Variants in DCAF13 observed in about 807,000 individuals in gnomAD.
DCAF13 encodes DDB1- and CUL4-associated factor 13.
DCAF13 carries 38 observed loss-of-function variants against 59.0 expected under a neutral mutation model. That is an observed-to-expected ratio of 0.64 (90% CI 0.50 to 0.84). The LOEUF (loss-of-function observed/expected upper bound fraction) is 0.84. Ranked by LOEUF, DCAF13 falls within the 40% of genes least tolerant of loss-of-function variation. The pLI is 0.00. For synonymous variants in DCAF13, 173 were observed against 175.0 expected (o/e 0.99, Z 0.09); for missense variants, 469 against 558.4 (o/e 0.84, Z 1.61).
rs1295249547 is a variant in DCAF13 at position 103,442,780 on chromosome 8, A to G, written c.1251-15A>G. 3 of 1,541,330 alleles carry G rather than the reference A, an allele frequency of 1.9e-6. No homozygotes were observed. Among genetic ancestry groups the G allele is most frequent in the African/African-American group, 2.8e-5 (2 of 71,824 alleles). On this transcript the variant is annotated splice_polypyrimidine_tract_variant and intron_variant, in intron 10 of 10. Coordinates refer to ENST00000612750, the MANE Select transcript of DCAF13 (RefSeq NM_015420.7). ...TTCCCATAACTTGCTTATATTTTGTATATTTTATTTCTAGGGAAGTGAATC... is the reference window on the plus strand; with the variant it reads ...TTCCCATAACTTGCTTATATTTTGTGTATTTTATTTCTAGGGAAGTGAATC...
chr8:103,417,546 G>A (rs565170419), intron 1 of DCAF13, among the ~76,000 whole-genome samples: 39 of 151,768 alleles, frequency 2.6e-4, no homozygotes, highest in African/African-American at 9.0e-4. Context: ...GGAGGCTGAG[G>A]CGGGAGAATG....
chr8:103,418,864 ATATTTTTTTTTTTTTTTTTTTTTTTT>A (rs1816679510), intron 1 of DCAF13, among the ~76,000 whole-genome samples: 4 of 27,952 alleles, frequency 1.4e-4, no homozygotes, highest in African/African-American at 6.5e-4. Context: ...ATATATATAT[ATATTTTTTTTTTTTTTTTTTTTTTTT>A]TTTTTTTTTT....
chr8:103,423,480 A>G (rs1816750054), intron 3 of DCAF13, among the ~76,000 whole-genome samples: 1 of 152,202 alleles, frequency 6.6e-6, no homozygotes, highest in South Asian at 2.1e-4. Flanking sequence ...GTTGTGTGGA[A>G]TCTAAAAAAG....
intron 3 of DCAF13, 108 bp downstream of exon 3, chr8:103,421,190 A>C: frequency 6.3e-6 from 5 of 795,358 alleles, no homozygotes; most frequent in South Asian, 1.5e-5. Flanking sequence ...GCCCTTTTGG[A>C]GTTTCACAAT....
At chr8:103,432,349 A>C (rs780530499) in intron 6 of DCAF13, among the ~76,000 whole-genome samples, 9 of 152,138 alleles carry the variant, frequency 5.9e-5, no homozygotes, top group Non-Finnish European at 1.2e-4. Flanking sequence ...GCTCACCATT[A>C]ATTTTGCCCC....
chr8:103,432,750 C>A lies in DCAF13; in HGVS notation c.785+9C>A. The A allele has an allele frequency of 1.3e-6, 2 of 1,557,094 alleles. No individual in the cohort carries two copies. The highest frequency in any genetic ancestry group is 1.1e-5 in the South Asian group (1 of 89,614). ...GCAAATGAAGATTATAAGTAAGTTT[C>A]CCTCTTTTAAAAACTTGTGTATTTC... On this transcript the variant is annotated intron_variant, in intron 7 of 10. Transcript: ENST00000612750.
At chr8:103,432,296 A>G (rs918425241) in intron 6 of DCAF13, among the ~76,000 whole-genome samples, 4 of 152,290 alleles carry the variant, frequency 2.6e-5, no homozygotes, top group Middle Eastern at 3.4e-3. Context: ...GGTCAGTTCA[A>G]ATCATACTTG....
chr8:103,415,569 A>G (rs1384807729), intron 1 of DCAF13, 53 bp downstream of exon 1: 2 of 1,529,900 alleles, frequency 1.3e-6, no homozygotes, highest in Non-Finnish European at 1.8e-6. Context: ...CGTTGGGTCT[A>G]GCCTCGGCTT....
At chr8:103,441,019 G>C (rs1244322686) in intron 9 of DCAF13, 1 of 156,932 alleles carries the variant, frequency 6.4e-6, no homozygotes, top group African/African-American at 2.4e-5. Flanking sequence ...CCTCTAAATC[G>C]TATCATCCTT....
chr8:103,428,338 A>G (rs1295974616), intron 5 of DCAF13: 1 of 152,194 alleles, frequency 6.6e-6, no homozygotes, highest in Admixed American at 6.5e-5. Context: ...CTGTTTTTGT[A>G]AATAGAGCTC....
chr8:103,423,360 G>A (rs746895157), intron 3 of DCAF13, among the ~76,000 whole-genome samples: 1 of 152,030 alleles, frequency 6.6e-6, no homozygotes, highest in Non-Finnish European at 1.5e-5. Flanking sequence ...ACGCACACAG[G>A]AATACTATTC....
chr8:103,435,592 AAT>A (rs1816921556), intron 7 of DCAF13, 32 bp from the exon 8 acceptor site: 5 of 1,482,924 alleles, frequency 3.4e-6, no homozygotes, highest in Non-Finnish European at 3.6e-6. Context: ...TCTTTCTAGA[AAT>A]ATGTGTCAAA....
chr8:103,435,898 G>C, intron 8 of DCAF13, 108 bp downstream of exon 8: 2 of 1,181,604 alleles, frequency 1.7e-6, no homozygotes, highest in Admixed American at 3.6e-5. Flanking sequence ...AACATCATCA[G>C]AGTGCACTTA....
intron 3 of DCAF13, among the ~76,000 whole-genome samples, chr8:103,421,662 G>T (rs901151937): frequency 6.6e-6 from 1 of 151,982 alleles, no homozygotes; most frequent in African/African-American, 2.4e-5. Context: ...GACTATTCTG[G>T]GTACCTCATA....
intron 1 of DCAF13, among the ~76,000 whole-genome samples, chr8:103,416,763 A>G (rs1816622499): frequency 6.6e-6 from 1 of 152,248 alleles, no homozygotes. Context: ...CACTGTTAAG[A>G]CAGCACCTAG....
chr8:103,430,749 A>G, intron 6 of DCAF13, 60 bp downstream of exon 6: 3 of 1,213,634 alleles, frequency 2.5e-6, no homozygotes, highest in African/African-American at 1.5e-5. Flanking sequence ...CTCTGTAAAT[A>G]GAGTGACTAA....
intron 6 of DCAF13, among the ~76,000 whole-genome samples, chr8:103,431,535 A>G (rs558830796): frequency 1.3e-5 from 2 of 152,348 alleles, no homozygotes; most frequent in African/African-American, 2.4e-5. Context: ...ATCTTTCCAA[A>G]GTACCACTTA....
intron 1 of DCAF13, among the ~76,000 whole-genome samples, chr8:103,418,866 ATTTTTTTTTTTTTTTTTTTTT>A (rs1159489554): frequency 0.091 from 3,516 of 38,462 alleles, 142 homozygotes; most frequent in African/African-American, 0.1. Context: ...ATATATATAT[ATTTTTTTTTTTTTTTTTTTTT>A]TTTTTTTTTT....
chr8:103,430,991 C>G (rs1816856352), intron 6 of DCAF13, among the ~76,000 whole-genome samples: 1 of 152,118 alleles, frequency 6.6e-6, no homozygotes, highest in Non-Finnish European at 1.5e-5. Flanking sequence ...GGTATTGCAT[C>G]CTGTTACTTA....
Sources: gnomAD v4.1 joint callset for allele counts (sites outside exome capture counted in the v4.1 genomes callset) on GRCh38, gnomAD v4.1.1 for gene constraint, MANE v1.5 for transcripts, NCBI Gene and HGNC (gene_info 2026-07-23, HGNC 2026-07-21) for gene names.